The following ABL2 variants were observed in gnomAD, a reference collection of about 807,000 sequenced individuals.
The protein encoded by ABL2 is tyrosine-protein kinase ABL2.
Under a neutral mutation model 107.7 loss-of-function variants are expected in ABL2, and 49 were observed. That is an observed-to-expected ratio of 0.45 (90% CI 0.36 to 0.58). ABL2 has a LOEUF of 0.58. Ranked by LOEUF, ABL2 falls within the 20% of genes least tolerant of loss-of-function variation. The probability of loss-of-function intolerance (pLI) is 0.00; values close to 1 mark genes in which losing one functional copy is unlikely to be tolerated. For missense variants in ABL2, 1,245 were observed against 1,457.0 expected, an observed-to-expected ratio of 0.85 and a Z score of 2.37; for synonymous variants, 549 against 548.6, an observed-to-expected ratio of 1.00 and a Z score of -0.01.
In ABL2 at chr1:179,131,372, A is replaced by G; in HGVS notation, c.330T>C (p.Asn110=). The G allele has an allele frequency of 6.2e-7, 1 of 1,614,134 alleles. No individual in the cohort carries two copies. The highest frequency in any genetic ancestry group is 8.5e-7 in the Non-Finnish European group (1 of 1,180,014). Residue 110 remains asparagine (N), a synonymous_variant, in exon 3 of 12, where the codon AAT becomes AAC. Coordinates refer to ENST00000502732, the MANE Select transcript of ABL2 (RefSeq NM_007314.4). ...NLLGATESDP[N]LFVALYDFVA... ...CAAAATCATAAAGTGCAACGAAGAG[A>G]TTAGGGTCACTCTCAGTGGCTCCGA...
rs563480420 is a variant in ABL2 at position 179,145,168 on chromosome 1, T to C, written c.158-11794A>G. Among the ~76,000 whole-genome samples, 6 of 152,304 alleles carry C rather than the reference T, an allele frequency of 3.9e-5. No homozygotes were observed. In the East Asian group the frequency reaches 9.6e-4, roughly 24 times the overall value. ...GCCAGACACATCAAGGCAAATATTA[T>C]ATAATTCTACTTACATGAAATATTT... On this transcript the variant is annotated intron_variant, in intron 1 of 11. Transcript: ENST00000502732.
intron 1 of ABL2, among the ~76,000 whole-genome samples, chr1:179,179,601 T>C (rs2102794623): frequency 6.6e-6 from 1 of 152,116 alleles, no homozygotes; most frequent in South Asian, 2.1e-4. Context: ...TCAGCTATTA[T>C]AATACAGAGA....
chr1:179,182,284 G>A (rs1660423720), intron 1 of ABL2, among the ~76,000 whole-genome samples: 1 of 151,784 alleles, frequency 6.6e-6, no homozygotes, highest in Non-Finnish European at 1.5e-5. Flanking sequence ...GGTGGCTGGA[G>A]AAAAAAAAGC....
intron 1 of ABL2, among the ~76,000 whole-genome samples, chr1:179,150,678 A>C (rs1435177491): frequency 1.3e-5 from 2 of 152,380 alleles, no homozygotes; most frequent in East Asian, 3.9e-4. Context: ...GGACTATTAC[A>C]TAAACTTAGT....
In ABL2 at chr1:179,107,514, T is replaced by C; in HGVS notation, c.*204A>G. On this transcript the variant is annotated 3_prime_UTR_variant, in exon 12 of 12. Transcript: ENST00000502732. ...TGTCCACTACTGCCTTGCCCCCACT[T>C]AATTTACCTCTCCTATACTTATGTG... 1 of 1,043,700 alleles carries C rather than the reference T, an allele frequency of 9.6e-7. No homozygotes were observed. The highest frequency in any genetic ancestry group is 1.3e-6 in the Non-Finnish European group (1 of 763,780). 64.7% of individuals were successfully genotyped at this position (1,043,700 alleles called of 1,614,324 possible). A position where few individuals can be genotyped will look rare whatever the true frequency, so the allele number is the denominator to read the frequency against.
At chr1:179,197,867 C>A (rs1384557456) in intron 1 of ABL2, among the ~76,000 whole-genome samples, 24 of 137,196 alleles carry the variant, frequency 1.7e-4, no homozygotes, top group Admixed American at 2.2e-4. Flanking sequence ...GAAACTGTCT[C>A]AAAAAAAAAA....
chr1:179,123,441 G>A (rs1219306040), intron 4 of ABL2, among the ~76,000 whole-genome samples: 2 of 152,068 alleles, frequency 1.3e-5, no homozygotes, highest in African/African-American at 4.8e-5. Context: ...GGAGGTGGAG[G>A]TTGCAGTGAG....
intron 1 of ABL2, among the ~76,000 whole-genome samples, chr1:179,171,727 T>A (rs1025106623): frequency 6.6e-6 from 1 of 152,192 alleles, no homozygotes; most frequent in African/African-American, 2.4e-5. Context: ...TCTCACTCTG[T>A]TGTCCAAACC....
intron 5 of ABL2, among the ~76,000 whole-genome samples, chr1:179,121,065 C>T (rs1019757631): frequency 2.6e-5 from 4 of 152,158 alleles, no homozygotes; most frequent in African/African-American, 9.7e-5. Flanking sequence ...ACACCAGAGA[C>T]AGTTACTGAG....
At position 179,176,702 on chromosome 1, in the gene ABL2, C is replaced by CTTTTTTTTTTTTTTTTTTT. The variant is rs35138436; in HGVS notation, c.158-43329_158-43328insAAAAAAAAAAAAAAAAAAA. The stretch of plus-strand genomic sequence containing the variant: ...TTTGTTTTTAGTGTTGTTACATATT[C>CTTTTTTTTTTTTTTTTTTT]TTTTTTTTTTCCAGACAGATTCTCA... On this transcript the variant is annotated intron_variant, in intron 1 of 11. Transcript: ENST00000502732. 9.3e-5 allele frequency among the ~76,000 whole-genome samples: 10 copies of CTTTTTTTTTTTTTTTTTTT among 107,290 alleles called. 2 individuals are homozygous for CTTTTTTTTTTTTTTTTTTT. Among genetic ancestry groups the CTTTTTTTTTTTTTTTTTTT allele is most frequent in the Non-Finnish European group, 1.3e-4 (7 of 55,444 alleles). 70.4% of individuals were successfully genotyped at this position (107,290 alleles called of 152,430 possible).
chr1:179,185,906 G>A (rs572082680), intron 1 of ABL2, among the ~76,000 whole-genome samples: 12 of 152,026 alleles, frequency 7.9e-5, no homozygotes, highest in Non-Finnish European at 1.3e-4. Context: ...CCTATTTTAG[G>A]AAGCCTAGAC....
At chr1:179,187,276 G>T (rs1011505340) in intron 1 of ABL2, among the ~76,000 whole-genome samples, 1 of 152,290 alleles carries the variant, frequency 6.6e-6, no homozygotes. Context: ...TATTCTGTCA[G>T]TTTAAATTTT....
intron 1 of ABL2, among the ~76,000 whole-genome samples, chr1:179,206,991 G>A (rs913106945): frequency 6.6e-5 from 10 of 152,182 alleles, no homozygotes; most frequent in Non-Finnish European, 1.3e-4. Flanking sequence ...TCCTGAAAGA[G>A]AGAGACAGAA....
At chr1:179,209,153 A>G (rs1662136324) in intron 1 of ABL2, among the ~76,000 whole-genome samples, 1 of 152,158 alleles carries the variant, frequency 6.6e-6, no homozygotes, top group African/African-American at 2.4e-5. Context: ...CAGACCATAG[A>G]AGAATTATCT....
chr1:179,137,795 A>C (rs1340929856), intron 1 of ABL2: 1 of 152,252 alleles, frequency 6.6e-6, no homozygotes, highest in Non-Finnish European at 1.5e-5. Context: ...TCACACAATC[A>C]GGAGCTGGCC....
chr1:179,111,281 C>CTT (rs748453531), intron 10 of ABL2, among the ~76,000 whole-genome samples: 6,594 of 82,238 alleles, frequency 0.08, 612 homozygotes, highest in African/African-American at 0.12. Context: ...AGTGCTCAGT[C>CTT]TTTTTTTTTT....
chr1:179,195,656 A>G (rs1661268494), intron 1 of ABL2, among the ~76,000 whole-genome samples: 1 of 152,314 alleles, frequency 6.6e-6, no homozygotes, highest in South Asian at 2.1e-4. Context: ...ATGAGTGGAT[A>G]AAGAAAATGG....
At chr1:179,142,921 T>A (rs1657717125) in intron 1 of ABL2, 2 of 1,613,588 alleles carry the variant, frequency 1.2e-6, no homozygotes, top group Non-Finnish European at 1.7e-6. Context: ...AACTATCAAC[T>A]CTGAACCATA....
chr1:179,211,349 C>T (rs986554303), intron 1 of ABL2, among the ~76,000 whole-genome samples: 1 of 151,698 alleles, frequency 6.6e-6, no homozygotes, highest in Non-Finnish European at 1.5e-5. Context: ...GAGATGTAAT[C>T]CCTAAAAAAA....
Sources: allele counts gnomAD v4.1 joint callset (sites outside exome capture counted in the v4.1 genomes callset), GRCh38; gene constraint gnomAD v4.1.1; transcripts MANE v1.5; gene names NCBI Gene and HGNC (gene_info 2026-07-23, HGNC 2026-07-21).